Variants in DCLK2 observed in about 807,000 individuals in gnomAD.
The protein encoded by DCLK2 is serine/threonine-protein kinase DCLK2.
A neutral mutation model predicts 78.4 loss-of-function variants in DCLK2; 31 were observed. The observed-to-expected ratio is 0.40, with a 90% CI of 0.30 to 0.53. DCLK2 has a LOEUF of 0.53. Ranked by LOEUF, DCLK2 falls within the 20% of genes least tolerant of loss-of-function variation. The probability of loss-of-function intolerance (pLI) is 0.61; values close to 1 mark genes in which losing one functional copy is unlikely to be tolerated. For synonymous variants in DCLK2, 407 were observed against 374.9 expected, an observed-to-expected ratio of 1.09 and a Z score of -0.99; for missense variants, 872 against 973.7, an observed-to-expected ratio of 0.90 and a Z score of 1.39.
chr4:150,137,845 C>T (rs930237673), intron 2 of DCLK2, among the ~76,000 whole-genome samples: 1 of 152,148 alleles, frequency 6.6e-6, no homozygotes, highest in African/African-American at 2.4e-5. Flanking sequence ...CTGTATTTTC[C>T]ATATTGCTTA....
At chr4:150,221,923 C>T in intron 7 of DCLK2, 138 bp downstream of exon 7, 1 of 510,622 alleles carries the variant, frequency 2.0e-6, no homozygotes. Flanking sequence ...TTCATTTTCC[C>T]TGAGTCTGCC....
intron 2 of DCLK2, among the ~76,000 whole-genome samples, chr4:150,139,640 T>C (rs1400183585): frequency 1.3e-5 from 2 of 152,208 alleles, no homozygotes; most frequent in African/African-American, 4.8e-5. Flanking sequence ...GGTCCTTTCT[T>C]TTGGGAAATT....
At chr4:150,250,726 C>T (rs1276189123) in intron 15 of DCLK2, among the ~76,000 whole-genome samples, 8 of 151,674 alleles carry the variant, frequency 5.3e-5, no homozygotes, top group Admixed American at 1.3e-4. Flanking sequence ...GGAAGGTCCT[C>T]CTTGTTTCCT....
chr4:150,213,149 G>A (rs777603655), intron 5 of DCLK2, among the ~76,000 whole-genome samples: 11 of 152,264 alleles, frequency 7.2e-5, no homozygotes, highest in Non-Finnish European at 1.2e-4. Context: ...GGCAAGCCAT[G>A]TAGTCACCTG....
At chr4:150,091,317 C>G (rs75668662) in intron 1 of DCLK2, among the ~76,000 whole-genome samples, 8 of 152,074 alleles carry the variant, frequency 5.3e-5, no homozygotes, top group Non-Finnish European at 1.5e-5. Flanking sequence ...TTCTTAATTT[C>G]CGAAGTTAGG....
intron 1 of DCLK2, among the ~76,000 whole-genome samples, chr4:150,093,231 G>C (rs1730218765): frequency 6.6e-6 from 1 of 152,128 alleles, no homozygotes; most frequent in African/African-American, 2.4e-5. Flanking sequence ...TCTTACACTG[G>C]AAACTATAAA....
chr4:150,082,911 A>G (rs752470846), intron 1 of DCLK2, among the ~76,000 whole-genome samples: 4 of 152,212 alleles, frequency 2.6e-5, no homozygotes, highest in Non-Finnish European at 4.4e-5. Context: ...CTAAAGAGAT[A>G]TAACCAAGGA....
intron 2 of DCLK2, among the ~76,000 whole-genome samples, chr4:150,126,813 T>C (rs1432858766): frequency 6.6e-6 from 1 of 152,166 alleles, no homozygotes; most frequent in Non-Finnish European, 1.5e-5. Flanking sequence ...ATTTTGCCAG[T>C]TGTCTCATAA....
At chr4:150,103,890 C>T (rs966920734) in intron 2 of DCLK2, among the ~76,000 whole-genome samples, 5 of 151,960 alleles carry the variant, frequency 3.3e-5, no homozygotes, top group African/African-American at 9.7e-5. Flanking sequence ...TAGCCGCCTG[C>T]CCCCAAATAT....
chr4:150,170,514 T>A (rs766672683), intron 2 of DCLK2, among the ~76,000 whole-genome samples: 2 of 152,164 alleles, frequency 1.3e-5, no homozygotes, highest in African/African-American at 4.8e-5. Flanking sequence ...TTTTCAAAAT[T>A]ATGCTAGAAA....
chr4:150,211,012 AAGT>A (rs1402255675), intron 5 of DCLK2, among the ~76,000 whole-genome samples: 7 of 152,104 alleles, frequency 4.6e-5, no homozygotes, highest in Non-Finnish European at 7.4e-5. Context: ...AAAACAAAAG[AAGT>A]AGAAAATTTA....
At chr4:150,201,215 A>G (rs1192911084) in intron 4 of DCLK2, among the ~76,000 whole-genome samples, 1 of 152,102 alleles carries the variant, frequency 6.6e-6, no homozygotes, top group Non-Finnish European at 1.5e-5. Flanking sequence ...TTCTTTCCTT[A>G]GAGTTGAGGG....
intron 2 of DCLK2, among the ~76,000 whole-genome samples, chr4:150,144,168 C>T (rs1246479885): frequency 2.0e-5 from 3 of 152,120 alleles, no homozygotes; most frequent in Non-Finnish European, 4.4e-5. Flanking sequence ...GGCCAATGTC[C>T]AGAAGAGTTT....
At chr4:150,195,370 A>ATATTATAT (rs1309538015) in intron 3 of DCLK2, among the ~76,000 whole-genome samples, 1 of 1,896 alleles carries the variant, frequency 5.3e-4, no homozygotes, top group African/African-American at 1.5e-3. Flanking sequence ...TATATTATAT[A>ATATTATAT]ATATTATATA....
Position 150,128,342 on chromosome 4 carries a change from G to A in DCLK2, c.756+25530G>A, listed in dbSNP as rs1377269630. Among the ~76,000 whole-genome samples, 6 of 152,124 alleles carry A rather than the reference G, an allele frequency of 3.9e-5. No individual in the cohort carries two copies. The East Asian group carries it at 5.8e-4, about 15-fold the overall frequency. On this transcript the variant is annotated intron_variant, in intron 2 of 15. Coordinates refer to ENST00000296550, the MANE Select transcript of DCLK2 (RefSeq NM_001040260.4). ...AGCAAGTGGTTTTGAAATGGCCAGGGTAAGGAGTGTAGATATGTGTGTGTA... is the reference window on the plus strand; with the variant it reads ...AGCAAGTGGTTTTGAAATGGCCAGGATAAGGAGTGTAGATATGTGTGTGTA...
At chr4:150,114,151 TTGG>T (rs1265444026) in intron 2 of DCLK2, among the ~76,000 whole-genome samples, 1 of 152,198 alleles carries the variant, frequency 6.6e-6, no homozygotes, top group African/African-American at 2.4e-5. Flanking sequence ...TAAGATTTGT[TTGG>T]TGGCCTATCA....
intron 3 of DCLK2, among the ~76,000 whole-genome samples, chr4:150,194,499 A>G (rs1204981330): frequency 2.6e-5 from 4 of 152,200 alleles, no homozygotes; most frequent in Non-Finnish European, 5.9e-5. Context: ...GGCATTTTCA[A>G]GTAGTATTTG....
rs1259899136 is a variant in DCLK2, at chr4:150,247,752, C to G, written c.1875+53C>G. 4 of 1,435,400 alleles carry G rather than the reference C, an allele frequency of 2.8e-6. No individual in the cohort carries two copies. The African/African-American group carries it at 4.2e-5, about 15-fold the overall frequency. The allele number at this position is 1,435,400 out of a possible 1,614,324, so 88.9% of individuals were successfully genotyped here. A position where few individuals can be genotyped will look rare whatever the true frequency, so the allele number is the denominator to read the frequency against. ...TGTATTACGTTGTGGGGTCCTCACC[C>G]ATTGCACAGGGCTGTAGCTGCGCTA... is the stretch of plus-strand genomic sequence containing the variant. On this transcript the variant is annotated intron_variant, in intron 13 of 15. Transcript: ENST00000296550.
intron 1 of DCLK2, 36 bp downstream of exon 1, chr4:150,079,484 G>A: frequency 2.8e-6 from 4 of 1,443,904 alleles, no homozygotes; most frequent in Non-Finnish European, 3.6e-6. Flanking sequence ...AGGTGCGGCG[G>A]AGCGCCGGCA....
Sources: allele counts gnomAD v4.1 joint callset (sites outside exome capture counted in the v4.1 genomes callset), GRCh38; gene constraint gnomAD v4.1.1; transcripts MANE v1.5; gene names NCBI Gene and HGNC (gene_info 2026-07-23, HGNC 2026-07-21).